TVP23A: variants seen among roughly 807,000 people sequenced by gnomAD.
TVP23A encodes trans-golgi network vesicle protein 23 homolog A, also known as Golgi apparatus membrane protein TVP23 homolog A.
Under a neutral mutation model 31.7 loss-of-function variants are expected in TVP23A, and 21 were observed. The observed-to-expected ratio is 0.66, with a 90% CI of 0.47 to 0.95. The LOEUF is 0.95. Ranked by LOEUF, TVP23A falls within the 40% of genes least tolerant of loss-of-function variation. The pLI, the probability that TVP23A is intolerant of heterozygous loss-of-function variation, is 0.00. For missense variants in TVP23A, 279 were observed against 255.6 expected (o/e 1.09, Z -0.62); for synonymous variants, 104 against 96.0 (o/e 1.08, Z -0.49).
intron 2 of TVP23A, among the ~76,000 whole-genome samples, chr16:10,791,862 G>A (rs542416101): frequency 2.9e-4 from 44 of 152,232 alleles, no homozygotes; most frequent in Admixed American, 7.2e-4. Context: ...TGATCCGCCC[G>A]CCTCGGCCTC....
Position 10,801,517 on chromosome 16 carries a change from C to T in TVP23A, c.89+16586G>A, listed in dbSNP as rs892621112. ...TGTCACCCAGGCTGGAGTGCAGTGG[C>T]GCGATCTCAGCTCACTGCAACCTTC... On this transcript the variant is annotated intron_variant, in intron 2 of 7. Transcript: ENST00000299866. Among the ~76,000 whole-genome samples the T allele has an allele frequency of 3.3e-5, 5 of 151,902 alleles. No homozygotes were observed. The East Asian group carries it at 5.8e-4, about 18-fold the overall frequency.
At chr16:10,761,630 T>C in intron 8 of TVP23A, 1 of 971,120 alleles carries the variant, frequency 1.0e-6, no homozygotes, top group Non-Finnish European at 1.5e-6. Flanking sequence ...AGGAAAGTTC[T>C]TTAGGTGTTA....
At chr16:10,761,386 G>T (rs754936367) in exon 9 of TVP23A, 9 of 1,613,948 alleles carry the variant, frequency 5.6e-6, no homozygotes, top group Non-Finnish European at 7.6e-6. Context: ...CAGGATGTCC[G>T]GAAAGAAATC....
intron 2 of TVP23A, among the ~76,000 whole-genome samples, chr16:10,796,418 GATTTT>G (rs370573686): frequency 9.0e-4 from 137 of 151,716 alleles, no homozygotes; most frequent in Middle Eastern, 3.4e-3. Context: ...TAGTAAAAGG[GATTTT>G]ATTTTATTTT....
chr16:10,772,347 A>G lies in TVP23A; in HGVS notation c.454-549T>C, dbSNP rs988508030. 5.9e-5 allele frequency among the ~76,000 whole-genome samples: 9 copies of G among 152,100 alleles called. No individual in the cohort carries two copies. In the South Asian group the frequency reaches 1.4e-3, roughly 25 times the overall value. ...CATTAAATGACACTGTTGTTTTACT[A>G]TCTACAAATATTTTGTTTTCTCTAT... is the stretch of plus-strand genomic sequence containing the variant. On this transcript the variant is annotated intron_variant, in intron 5 of 7. Transcript: ENST00000299866.
Position 10,766,926 on chromosome 16 carries a change from C to G in TVP23A, c.*2176G>C, listed in dbSNP as rs1596480260. The G allele has an allele frequency of 2.5e-6, 1 of 398,704 alleles. No individual in the cohort carries two copies. Among genetic ancestry groups the G allele is most frequent in the East Asian group, 3.6e-5 (1 of 28,082 alleles). The allele number at this position is 398,704 out of a possible 1,614,324, so 24.7% of individuals were successfully genotyped here. A position where few individuals can be genotyped will look rare whatever the true frequency, so the allele number is the denominator to read the frequency against. ...CGAATTGGCCTTATGTTCCCTGCCTCTGGACCCTATTTTCCTGACTCACTG... is the reference window on the plus strand; with the variant it reads ...CGAATTGGCCTTATGTTCCCTGCCTGTGGACCCTATTTTCCTGACTCACTG... On this transcript the variant is annotated 3_prime_UTR_variant, in exon 8 of 8. Coordinates refer to ENST00000299866, the MANE Select transcript of TVP23A (RefSeq NM_001079512.4). This position sits in a 1 kb window ranked among gnomAD's most constrained non-coding sequence, Gnocchi z 4.8.
intron 2 of TVP23A, chr16:10,775,510 C>T (rs1045304383): frequency 3.8e-6 from 4 of 1,047,620 alleles, no homozygotes; most frequent in Admixed American, 9.9e-5. Context: ...ACGCAGCCCA[C>T]GGGGCAGGTG....
rs749394368 is a variant in TVP23A at position 10,769,049 on chromosome 16, A to T, written c.*53T>A. On this transcript the variant is annotated 3_prime_UTR_variant, in exon 8 of 8. Transcript: ENST00000299866. ...ATGCCTGTCGTCTTGTTTTCCAGGA[A>T]TCCAAGAGTTTTGTAATCTCCATCA... is the stretch of plus-strand genomic sequence containing the variant. 3.7e-6 allele frequency: 6 copies of T among 1,614,050 alleles called. No homozygotes were observed. The East Asian group carries it at 1.3e-4, about 36-fold the overall frequency.
intron 6 of TVP23A, 103 bp downstream of exon 6, chr16:10,771,567 G>C (rs2031623308): frequency 7.1e-7 from 1 of 1,408,114 alleles, no homozygotes; most frequent in Non-Finnish European, 9.8e-7. Context: ...AACATTGGCA[G>C]CCTGGCGGAT....
At position 10,776,795 on chromosome 16, in the gene TVP23A, T is replaced by C. The variant is rs144625566; in HGVS notation, c.90-1699A>G. 8.5e-3 allele frequency among the ~76,000 whole-genome samples: 1,286 copies of C among 151,998 alleles called. 22 individuals are homozygous for C. Among genetic ancestry groups the C allele is most frequent in the African/African-American group, 0.029 (1,182 of 41,452 alleles). ...TCTTGATGATATGCTAAAGAAGGGG[T>C]GGATTATTCATGCCTCCCCTTTTTC... On this transcript the variant is annotated intron_variant, in intron 2 of 7. Coordinates refer to ENST00000299866, the MANE Select transcript of TVP23A (RefSeq NM_001079512.4).
At chr16:10,785,383 G>A (rs1435799166) in intron 2 of TVP23A, among the ~76,000 whole-genome samples, 1 of 151,754 alleles carries the variant, frequency 6.6e-6, no homozygotes, top group Non-Finnish European at 1.5e-5. Context: ...CAGCCTGGGT[G>A]ACAGAGCAAG....
At chr16:10,771,260 G>A (rs764815960) in intron 6 of TVP23A, among the ~76,000 whole-genome samples, 5 of 152,182 alleles carry the variant, frequency 3.3e-5, no homozygotes, top group Non-Finnish European at 5.9e-5. Context: ...AAAACTGCCA[G>A]GCACAGTGGC....
In TVP23A at chr16:10,769,022, C is replaced by G. The variant is rs2233542; in HGVS notation, c.*80G>C. Reference sequence around the variant, plus strand: ...AAGGGGTAGACAAGCCATTAGCACTCTATGCCTGTCGTCTTGTTTTCCAGG... The same window carrying G: ...AAGGGGTAGACAAGCCATTAGCACTGTATGCCTGTCGTCTTGTTTTCCAGG... On this transcript the variant is annotated 3_prime_UTR_variant, in exon 8 of 8. Coordinates refer to ENST00000299866, the MANE Select transcript of TVP23A (RefSeq NM_001079512.4). 3,473 of 1,612,458 alleles carry G rather than the reference C, an allele frequency of 2.2e-3. 69 individuals carry two copies. The African/African-American group carries it at 0.04, about 19-fold the overall frequency.
intron 2 of TVP23A, 95 bp from the exon 3 acceptor site, chr16:10,775,191 C>T (rs1278002130): frequency 1.3e-5 from 19 of 1,496,992 alleles, no homozygotes; most frequent in East Asian, 7.4e-5. Context: ...GGGGTGTTAG[C>T]GTGGCTCAAT....
rs1490208512 is a variant in TVP23A at position 10,767,424 on chromosome 16, ATG to A, written c.*1676_*1677del. 26 of 400,158 alleles carry A rather than the reference ATG, an allele frequency of 6.5e-5. No individual in the cohort carries two copies. In the East Asian group the frequency reaches 7.8e-4, roughly 12 times the overall value. 24.8% of individuals were successfully genotyped at this position (400,158 alleles called of 1,614,324 possible). A position where few individuals can be genotyped will look rare whatever the true frequency, so the allele number is the denominator to read the frequency against. On this transcript the variant is annotated 3_prime_UTR_variant, in exon 8 of 8. Coordinates refer to ENST00000299866, the MANE Select transcript of TVP23A (RefSeq NM_001079512.4). This position sits in a 1 kb window ranked among gnomAD's most constrained non-coding sequence, Gnocchi z 4.6. ...ATACACAGACAAAGCAGCAGGCAGA[ATG>A]TGTGTGTCATGTGCTCCCATTCGTA...
intron 2 of TVP23A, among the ~76,000 whole-genome samples, chr16:10,816,821 T>G (rs1323859075): frequency 3.3e-5 from 5 of 151,802 alleles, no homozygotes; most frequent in Admixed American, 1.3e-4. Flanking sequence ...CATGTATACA[T>G]ATGTAACGAA....
chr16:10,804,683 C>T (rs564326754), intron 2 of TVP23A, among the ~76,000 whole-genome samples: 12 of 152,278 alleles, frequency 7.9e-5, no homozygotes, highest in African/African-American at 2.9e-4. Flanking sequence ...GAGCTCGAGG[C>T]TGCTGAGGGC....
Position 10,818,159 on chromosome 16 carries a change from A to C in TVP23A, c.33T>G (p.Asp11Glu), listed in dbSNP as rs1319408623. 6.2e-7 allele frequency: 1 copy of C among 1,607,440 alleles called. No individual in the cohort carries two copies. The highest frequency in any genetic ancestry group is 1.7e-5 in the Admixed American group (1 of 59,136). MKQALVDDTE[D>E]VSLDFGNEEE... ...CCTCGTTTCCAAAGTCCAGGGACAC[A>C]TCCTCGGTATCGTCCACCAGGGCCT... Residue 11 changes from aspartate (D) to glutamate (E), a missense_variant, in exon 2 of 8, where the codon GAT (aspartate) becomes GAG (glutamate). Physicochemically the swap from Asp to Glu is conservative, Grantham distance 45. Transcript: ENST00000299866. The surrounding 1 kb of genome is among the most constrained non-coding windows in gnomAD (Gnocchi z 4.7).
intron 2 of TVP23A, among the ~76,000 whole-genome samples, chr16:10,796,705 T>G (rs1017652214): frequency 1.2e-4 from 19 of 152,284 alleles, no homozygotes; most frequent in African/African-American, 4.3e-4. Context: ...CCCAAAGTGC[T>G]GGGATTACAG....
Sources: gnomAD v4.1 joint callset for allele counts (sites outside exome capture counted in the v4.1 genomes callset) on GRCh38, gnomAD v4.1.1 for gene constraint, Gnocchi (gnomAD v3.1) non-coding constraint, MANE v1.5 for transcripts, NCBI Gene and HGNC (gene_info 2026-07-23, HGNC 2026-07-21) for gene names.